Variants in OR51B5 observed in about 807,000 individuals in gnomAD.
OR51B5 encodes olfactory receptor family 51 subfamily B member 5.
For missense variants in OR51B5, 456 were observed against 374.6 expected (o/e 1.22, Z -1.79); for synonymous variants, 186 against 144.8 (o/e 1.28, Z -2.04).
At chr11:5,349,616 A>T (rs1407774080) in intron 1 of OR51B5, among the ~76,000 whole-genome samples, 1 of 152,194 alleles carries the variant, frequency 6.6e-6, no homozygotes, top group African/African-American at 2.4e-5. Flanking sequence ...TATGGTAATC[A>T]TTTAACAATG....
chr11:5,379,469 T>A (rs1263340163), intron 1 of OR51B5, among the ~76,000 whole-genome samples: 1 of 127,866 alleles, frequency 7.8e-6, no homozygotes. Context: ...ATAATAATAA[T>A]AAATAAAATA....
Position 5,370,759 on chromosome 11 carries a change from A to C in OR51B5, n.85-23849T>G, listed in dbSNP as rs183554178. Among the ~76,000 whole-genome samples, 619 of 152,340 alleles carry C rather than the reference A, an allele frequency of 4.1e-3. 6 individuals carry two copies. The highest frequency in any genetic ancestry group is 5.9e-3 in the Non-Finnish European group (399 of 68,020). On this transcript the variant is annotated intron_variant and non_coding_transcript_variant, in intron 1 of 4. Coordinates refer to the OR51B5 transcript ENST00000415970. Reference sequence around the variant, plus strand: ...AAGGAAATAATAAAAAAGTGACAAAAATAATTACAACCTCATATAGCTGCT... The same window carrying C: ...AAGGAAATAATAAAAAAGTGACAAACATAATTACAACCTCATATAGCTGCT...
chr11:5,486,078 C>T (rs751470024), intron 1 of OR51B5, among the ~76,000 whole-genome samples: 2 of 151,976 alleles, frequency 1.3e-5, no homozygotes, highest in African/African-American at 2.4e-5. Context: ...CACAAAGAAC[C>T]AAACCTGCCA....
At chr11:5,471,829 T>A (rs1458211001) in intron 1 of OR51B5, among the ~76,000 whole-genome samples, 1 of 152,138 alleles carries the variant, frequency 6.6e-6, no homozygotes, top group African/African-American at 2.4e-5. Flanking sequence ...CACGTCTTAT[T>A]TTCACATCTC....
intron 1 of OR51B5, chr11:5,391,930 G>C (rs547695528): frequency 1.3e-5 from 2 of 152,302 alleles, no homozygotes; most frequent in African/African-American, 4.8e-5. Context: ...TTAGCCATGT[G>C]TGGCGGTGCA....
chr11:5,485,506 G>A (rs907431366), intron 1 of OR51B5, among the ~76,000 whole-genome samples: 4 of 152,134 alleles, frequency 2.6e-5, no homozygotes, highest in Admixed American at 2.6e-4. Context: ...CACCAGCAAT[G>A]TGATTTCTCC....
intron 1 of OR51B5, among the ~76,000 whole-genome samples, chr11:5,399,620 A>T (rs1312618544): frequency 6.6e-6 from 1 of 152,112 alleles, no homozygotes; most frequent in Non-Finnish European, 1.5e-5. Context: ...AGACTACATG[A>T]TCCCTTTTGT....
At chr11:5,416,268 G>A (rs1234019828) in intron 1 of OR51B5, among the ~76,000 whole-genome samples, 1 of 139,880 alleles carries the variant, frequency 7.1e-6, no homozygotes, top group African/African-American at 2.6e-5. Flanking sequence ...GTATTGATGG[G>A]ACGTATCTCA....
intron 1 of OR51B5, among the ~76,000 whole-genome samples, chr11:5,460,123 A>T (rs1412008530): frequency 6.6e-6 from 1 of 152,218 alleles, no homozygotes; most frequent in East Asian, 1.9e-4. Context: ...AAAGGCCATT[A>T]TTCTTAGCAA....
At chr11:5,342,856 G>A (rs1848919584) in exon 1 of OR51B5, 1 of 1,612,320 alleles carries the variant, frequency 6.2e-7, no homozygotes, top group South Asian at 1.1e-5. Flanking sequence ...CAATGCTCAG[G>A]ACAGTCTTGA....
intron 1 of OR51B5, chr11:5,430,952 C>T (rs755604225): frequency 4.4e-6 from 2 of 456,876 alleles, no homozygotes; most frequent in African/African-American, 2.0e-5. Flanking sequence ...ACATAAGAGA[C>T]CACGATAAGC....
chr11:5,355,664 G>A (rs1849182127), intron 1 of OR51B5: 1 of 152,120 alleles, frequency 6.6e-6, no homozygotes, highest in Non-Finnish European at 1.5e-5. Context: ...GATAGGTGAT[G>A]TGTACTGTAT....
chr11:5,383,065 C>T (rs1849634267), intron 1 of OR51B5, among the ~76,000 whole-genome samples: 1 of 151,808 alleles, frequency 6.6e-6, no homozygotes, highest in Non-Finnish European at 1.5e-5. Flanking sequence ...GGTTCTGTAG[C>T]ATAGTCTGGG....
At chr11:5,483,115 C>A (rs1212364219) in intron 1 of OR51B5, among the ~76,000 whole-genome samples, 1 of 150,868 alleles carries the variant, frequency 6.6e-6, no homozygotes, top group Admixed American at 6.6e-5. Context: ...CCCAAATGTC[C>A]ATCAATGATA....
intron 1 of OR51B5, among the ~76,000 whole-genome samples, chr11:5,471,112 T>A (rs552681547): frequency 1.3e-5 from 2 of 152,220 alleles, no homozygotes; most frequent in Non-Finnish European, 2.9e-5. Flanking sequence ...CTGTACATAC[T>A]CACACATATT....
intron 1 of OR51B5, among the ~76,000 whole-genome samples, chr11:5,381,408 C>T (rs959936949): frequency 4.6e-5 from 7 of 152,202 alleles, no homozygotes; most frequent in African/African-American, 1.7e-4. Context: ...TGATTACCCA[C>T]AGTGATAGAG....
At chr11:5,412,898 G>C (rs1052936135) in intron 1 of OR51B5, among the ~76,000 whole-genome samples, 4 of 152,012 alleles carry the variant, frequency 2.6e-5, no homozygotes, top group Non-Finnish European at 4.4e-5. Flanking sequence ...AGTAACCTCT[G>C]CAGACTTAAA....
chr11:5,493,573 A>G (rs1343818729), intron 1 of OR51B5, among the ~76,000 whole-genome samples: 1 of 152,190 alleles, frequency 6.6e-6, no homozygotes, highest in Non-Finnish European at 1.5e-5. Flanking sequence ...AGGTATTAAT[A>G]TACCTGACAA....
At chr11:5,446,299 T>C (rs936188643) in intron 1 of OR51B5, among the ~76,000 whole-genome samples, 2 of 111,070 alleles carry the variant, frequency 1.8e-5, no homozygotes, top group Non-Finnish European at 4.5e-5. Flanking sequence ...TCTCATGAGG[T>C]AACCCAAAAA....
Sources: gnomAD v4.1 joint callset for allele counts (sites outside exome capture counted in the v4.1 genomes callset) on GRCh38, gnomAD v4.1.1 for gene constraint, MANE v1.5 for transcripts, NCBI Gene and HGNC (gene_info 2026-07-23, HGNC 2026-07-21) for gene names.